TFG: variants seen among roughly 807,000 people sequenced by gnomAD.
TFG encodes the protein trafficking from ER to golgi regulator.
TFG carries 22 observed loss-of-function variants against 51.4 expected under a neutral mutation model. That is an observed-to-expected ratio of 0.43 (90% confidence interval 0.31 to 0.61). The LOEUF is 0.61. Ranked by LOEUF, TFG falls within the 20% of genes least tolerant of loss-of-function variation. The pLI, the probability that TFG is intolerant of heterozygous loss-of-function variation, is 0.12. For missense variants in TFG, 419 were observed against 487.7 expected, an observed-to-expected ratio of 0.86 and a Z score of 1.33; for synonymous variants, 187 against 165.6, an observed-to-expected ratio of 1.13 and a Z score of -0.99.
At chr3:100,747,148 C>T (rs2095136973) in intron 7 of TFG, among the ~76,000 whole-genome samples, 1 of 152,240 alleles carries the variant, frequency 6.6e-6, no homozygotes, top group African/African-American at 2.4e-5. Flanking sequence ...TGGAAATAGT[C>T]AACTAAATAC....
chr3:100,725,719 G>A (rs2095073705), intron 3 of TFG, among the ~76,000 whole-genome samples: 1 of 152,010 alleles, frequency 6.6e-6, no homozygotes, highest in South Asian at 2.1e-4. Context: ...GCTGAACCTG[G>A]GAGGCAGAGG....
rs758874813 is a variant in TFG, at chr3:100,748,506, C to A, written c.1178C>A (p.Thr393Asn). 6.2e-6 allele frequency: 10 copies of A among 1,613,160 alleles called. No homozygotes were observed. In the East Asian group the frequency reaches 1.1e-4, roughly 18 times the overall value. The change falls in exon 8 of 8, where the codon ACC (threonine) becomes AAC (asparagine). Residue 393 changes from threonine (T) to asparagine (N), a missense_variant. Physicochemically the swap from Thr to Asn is moderately conservative, Grantham distance 65. Transcript: ENST00000240851. ...CGTCCTCCCTTTGGTCAGGGCTATA[C>A]CCAACCTGGACCTGGTTATCGATAA... ...RNRPPFGQGY[T>N]QPGPGYR
chr3:100,710,786 G>A (rs749019066), intron 1 of TFG, among the ~76,000 whole-genome samples: 1 of 152,200 alleles, frequency 6.6e-6, no homozygotes, highest in Non-Finnish European at 1.5e-5. Context: ...CAAGATGGGA[G>A]AAGAGCTTGT....
chr3:100,740,793 A>G (rs2095119162), intron 6 of TFG, among the ~76,000 whole-genome samples: 1 of 151,908 alleles, frequency 6.6e-6, no homozygotes, highest in Non-Finnish European at 1.5e-5. Context: ...AATTTTTTTT[A>G]TTACTTTTTA....
At chr3:100,720,760 T>C (rs886287482) in intron 3 of TFG, among the ~76,000 whole-genome samples, 2 of 152,204 alleles carry the variant, frequency 1.3e-5, no homozygotes, top group Non-Finnish European at 2.9e-5. Flanking sequence ...TAAAAACCAA[T>C]AGAAGACTAA....
intron 5 of TFG, among the ~76,000 whole-genome samples, chr3:100,734,948 G>A (rs2095102489): frequency 1.3e-5 from 2 of 152,152 alleles, no homozygotes; most frequent in Non-Finnish European, 1.5e-5. Context: ...TGGTAAAAAT[G>A]TGGCTTATTA....
Position 100,748,846 on chromosome 3 carries a change from C to CCAT in TFG, c.*317_*319dup, listed in dbSNP as rs1324753493. The CCAT allele has an allele frequency of 1.0e-5, 3 of 292,054 alleles. No individual in the cohort carries two copies. Among genetic ancestry groups the CCAT allele is most frequent in the South Asian group, 2.0e-4 (2 of 10,000 alleles). The allele number at this position is 292,054 out of a possible 1,614,324, so 18.1% of individuals were successfully genotyped here. A position where few individuals can be genotyped will look rare whatever the true frequency, so the allele number is the denominator to read the frequency against. On this transcript the variant is annotated 3_prime_UTR_variant, in exon 8 of 8. Coordinates refer to ENST00000240851, the MANE Select transcript of TFG (RefSeq NM_006070.6). ...ATTAAAATGCTAGGGTGAGGTTTAG[C>CCAT]CATCTTACTTGGCTTTTTACTATTA...
At chr3:100,747,081 A>G (rs1460304695) in intron 7 of TFG, among the ~76,000 whole-genome samples, 2 of 152,152 alleles carry the variant, frequency 1.3e-5, no homozygotes, top group African/African-American at 4.8e-5. Flanking sequence ...TTTTCAAATT[A>G]TTATCTTTGT....
chr3:100,711,930 T>C (rs906621384), intron 1 of TFG, among the ~76,000 whole-genome samples: 2 of 151,816 alleles, frequency 1.3e-5, no homozygotes, highest in African/African-American at 4.8e-5. Context: ...AGGCGAAGAG[T>C]TGGTTGTGTG....
At chr3:100,717,437 GAAT>G (rs1462964686) in intron 2 of TFG, among the ~76,000 whole-genome samples, 1 of 152,158 alleles carries the variant, frequency 6.6e-6, no homozygotes, top group Non-Finnish European at 1.5e-5. Context: ...AAATTTTTAT[GAAT>G]AATTTTATTG....
At chr3:100,730,169 A>G (rs977086193) in intron 4 of TFG, among the ~76,000 whole-genome samples, 2 of 152,194 alleles carry the variant, frequency 1.3e-5, no homozygotes, top group African/African-American at 4.8e-5. Context: ...CATCTGCAGA[A>G]TATTAAGAAG....
At chr3:100,729,289 C>T (rs752362534) in intron 4 of TFG, among the ~76,000 whole-genome samples, 1 of 152,020 alleles carries the variant, frequency 6.6e-6, no homozygotes, top group Non-Finnish European at 1.5e-5. Flanking sequence ...GTATTTTCAA[C>T]TAAAAATCAC....
At chr3:100,716,803 A>G (rs755717705) in intron 2 of TFG, among the ~76,000 whole-genome samples, 1 of 151,932 alleles carries the variant, frequency 6.6e-6, no homozygotes, top group Non-Finnish European at 1.5e-5. Context: ...TGTGATTTTG[A>G]GCATTTTTTC....
chr3:100,718,320 G>T (rs758934125), intron 2 of TFG, among the ~76,000 whole-genome samples: 1 of 152,140 alleles, frequency 6.6e-6, no homozygotes, highest in Non-Finnish European at 1.5e-5. Flanking sequence ...TTAGGGCAAA[G>T]GTCAGCAAAC....
At chr3:100,717,931 T>A (rs906485002) in intron 2 of TFG, among the ~76,000 whole-genome samples, 6 of 152,152 alleles carry the variant, frequency 3.9e-5, no homozygotes, top group African/African-American at 1.4e-4. Context: ...TTATTTTTTA[T>A]TTTTTTGTCT....
At chr3:100,729,494 C>CT (rs1435629875) in intron 4 of TFG, among the ~76,000 whole-genome samples, 1 of 152,140 alleles carries the variant, frequency 6.6e-6, no homozygotes, top group Admixed American at 6.5e-5. Context: ...GTGGACTGAA[C>CT]TTTAAGTATG....
At chr3:100,737,176 T>A (rs933807832) in intron 6 of TFG, among the ~76,000 whole-genome samples, 1 of 152,220 alleles carries the variant, frequency 6.6e-6, no homozygotes, top group Non-Finnish European at 1.5e-5. Context: ...CTTTTATAAT[T>A]TTGTAAATTT....
At position 100,748,218 on chromosome 3, in the gene TFG, C is replaced by G; in HGVS notation, c.890C>G (p.Ser297Cys). The G allele has an allele frequency of 6.2e-7, 1 of 1,614,148 alleles. No individual in the cohort carries two copies. Among genetic ancestry groups the G allele is most frequent in the Non-Finnish European group, 8.5e-7 (1 of 1,180,000 alleles). The change falls in exon 8 of 8, where the codon TCC becomes TGC. Residue 297 changes from serine (S) to cysteine (C), a missense_variant. Ser to Cys is a moderately radical substitution (Grantham distance 112). This residue lies in a region of TFG where 391 missense variants were observed against 434.4 expected (regional missense o/e 0.90). Coordinates refer to ENST00000240851, the MANE Select transcript of TFG (RefSeq NM_006070.6). Reference protein sequence around the residue: ...QFQGYGQQPTSQAPAPAFSGQ... With the variant: ...QFQGYGQQPTCQAPAPAFSGQ... ...CAGGGATATGGCCAGCAACCAACTT[C>G]CCAGGCACCAGCTCCTGCCTTTTCT... is the stretch of plus-strand genomic sequence containing the variant.
intron 6 of TFG, among the ~76,000 whole-genome samples, chr3:100,738,158 C>A (rs968393643): frequency 2.6e-5 from 4 of 152,024 alleles, no homozygotes; most frequent in Admixed American, 2.6e-4. Context: ...TGACATTTTG[C>A]TGATGAATCA....
Sources: gnomAD v4.1 joint callset for allele counts (sites outside exome capture counted in the v4.1 genomes callset) on GRCh38, gnomAD v4.1.1 for gene constraint, gnomAD v4.1.1 regional missense constraint, MANE v1.5 for transcripts, NCBI Gene and HGNC (gene_info 2026-07-23, HGNC 2026-07-21) for gene names.